Variants in SYT16 observed in about 807,000 individuals in gnomAD.
The protein encoded by SYT16 is synaptotagmin-16.
Under a neutral mutation model 61.4 loss-of-function variants are expected in SYT16, and 42 were observed. That is an observed-to-expected ratio of 0.68 (90% CI 0.53 to 0.89). The LOEUF is 0.89. Ranked by LOEUF, SYT16 falls within the 40% of genes least tolerant of loss-of-function variation. SYT16 has a pLI of 0.00. For missense variants in SYT16, 804 were observed against 807.3 expected (o/e 1.00, Z 0.05); for synonymous variants, 314 against 302.3 (o/e 1.04, Z -0.40).
At chr14:61,961,004 A>G (rs1195912392) in intron 1 of SYT16, among the ~76,000 whole-genome samples, 2 of 152,198 alleles carry the variant, frequency 1.3e-5, no homozygotes, top group Admixed American at 6.5e-5. Flanking sequence ...GTCAACAAAA[A>G]TAAGCAATGA....
At chr14:62,007,716 T>C (rs570004726) in intron 3 of SYT16, among the ~76,000 whole-genome samples, 1 of 152,286 alleles carries the variant, frequency 6.6e-6, no homozygotes, top group East Asian at 1.9e-4. Context: ...GATGTTGTTA[T>C]GATAGAATAC....
chr14:62,023,694 T>G (rs1436740093), intron 3 of SYT16, among the ~76,000 whole-genome samples: 2 of 152,198 alleles, frequency 1.3e-5, no homozygotes, highest in African/African-American at 4.8e-5. Flanking sequence ...CAGTTGTTCT[T>G]GAATAGCTTC....
At chr14:61,965,905 A>C (rs952891686) in intron 1 of SYT16, among the ~76,000 whole-genome samples, 4 of 152,134 alleles carry the variant, frequency 2.6e-5, no homozygotes, top group African/African-American at 4.8e-5. Context: ...AGAAGGATAC[A>C]TTCTGGTAAA....
intron 1 of SYT16, among the ~76,000 whole-genome samples, chr14:61,843,462 C>G (rs1233938559): frequency 6.6e-6 from 1 of 152,150 alleles, no homozygotes; most frequent in East Asian, 1.9e-4. Flanking sequence ...TGGGGTATTA[C>G]TGAATAAATT....
chr14:61,926,845 T>C (rs891177479), intron 1 of SYT16, among the ~76,000 whole-genome samples: 6 of 152,228 alleles, frequency 3.9e-5, no homozygotes, highest in Non-Finnish European at 8.8e-5. Context: ...AGGGTGTCCT[T>C]AGCTCCAGAG....
chr14:61,923,561 C>T (rs1011787873), intron 1 of SYT16, among the ~76,000 whole-genome samples: 11 of 152,072 alleles, frequency 7.2e-5, no homozygotes, highest in African/African-American at 1.4e-4. Context: ...GGCCAGTGAG[C>T]GAGCGGAAAC....
intron 3 of SYT16, among the ~76,000 whole-genome samples, chr14:62,024,920 A>G (rs1446212039): frequency 2.0e-5 from 3 of 152,008 alleles, no homozygotes; most frequent in Admixed American, 6.6e-5. Flanking sequence ...TTTTTCACCT[A>G]TAGTATACAT....
intron 1 of SYT16, among the ~76,000 whole-genome samples, chr14:61,870,472 G>A (rs1273304518): frequency 6.6e-6 from 1 of 151,046 alleles, no homozygotes; most frequent in African/African-American, 2.4e-5. Flanking sequence ...GTTTCTGCTT[G>A]GGGTTTACCA....
In SYT16 at chr14:61,918,218, T is replaced by A. The variant is rs549859968; in HGVS notation, c.-324-51914T>A. ...CATTATCAATGAAGGTCAAGTTTGT[T>A]GTTCTGTTTTAAACAACTTTTGTCT... On this transcript the variant is annotated intron_variant, in intron 1 of 7. Coordinates refer to ENST00000683842, the MANE Select transcript of SYT16 (RefSeq NM_001367656.1). Among the ~76,000 whole-genome samples the A allele has an allele frequency of 2.6e-5, 4 of 152,338 alleles. No individual in the cohort carries two copies. In the South Asian group the frequency reaches 8.3e-4, roughly 32 times the overall value.
chr14:61,998,475 C>T (rs571833206), intron 3 of SYT16, among the ~76,000 whole-genome samples: 2 of 152,088 alleles, frequency 1.3e-5, no homozygotes, highest in East Asian at 3.9e-4. Context: ...CAGCTTCTTT[C>T]ACCTACCATA....
At chr14:62,068,558 A>T (rs563828739) in intron 3 of SYT16, among the ~76,000 whole-genome samples, 1 of 152,132 alleles carries the variant, frequency 6.6e-6, no homozygotes, top group Non-Finnish European at 1.5e-5. Flanking sequence ...GAATAAGTAG[A>T]TTTCAGCTGC....
At chr14:61,859,654 C>A (rs2046906368) in intron 1 of SYT16, among the ~76,000 whole-genome samples, 1 of 151,888 alleles carries the variant, frequency 6.6e-6, no homozygotes, top group Non-Finnish European at 1.5e-5. Context: ...ATGGTGAGCC[C>A]CTGGATATAT....
rs2045833261 is a variant in SYT16 at position 61,828,230 on chromosome 14, G to A, written c.-325+15420G>A. Among the ~76,000 whole-genome samples, 6 of 152,264 alleles carry A rather than the reference G, an allele frequency of 3.9e-5. No individual in the cohort carries two copies. In the South Asian group the frequency reaches 1.2e-3, roughly 32 times the overall value. On this transcript the variant is annotated intron_variant, in intron 1 of 7. Coordinates refer to ENST00000683842, the MANE Select transcript of SYT16 (RefSeq NM_001367656.1). ...AAAATTTTATTGTTTAAACCCCACA[G>A]TTTGTGGTACTTTGTTATGGTAGCC...
chr14:62,077,818 T>A (rs2056549914), intron 5 of SYT16: 1 of 152,198 alleles, frequency 6.6e-6, no homozygotes, highest in South Asian at 2.1e-4. Context: ...AGCCCAGCCA[T>A]TGGCAGGATC....
intron 2 of SYT16, among the ~76,000 whole-genome samples, chr14:61,977,747 C>T (rs1402714527): frequency 6.6e-6 from 1 of 151,988 alleles, no homozygotes; most frequent in Non-Finnish European, 1.5e-5. Flanking sequence ...TACTTCATAG[C>T]TTTGAAGTAA....
chr14:61,883,835 A>T (rs1017067864), intron 1 of SYT16, among the ~76,000 whole-genome samples: 2 of 152,212 alleles, frequency 1.3e-5, no homozygotes, highest in African/African-American at 2.4e-5. Flanking sequence ...GAAACTTACA[A>T]TCATGGCGGA....
At chr14:61,973,608 A>G (rs922545685) in intron 2 of SYT16, among the ~76,000 whole-genome samples, 22 of 152,194 alleles carry the variant, frequency 1.4e-4, no homozygotes, top group Non-Finnish European at 1.5e-5. Context: ...CCCAGCTTTG[A>G]GAGAAGGCGG....
intron 2 of SYT16, among the ~76,000 whole-genome samples, chr14:61,993,443 GAAC>G (rs1305919982): frequency 6.6e-6 from 1 of 151,926 alleles, no homozygotes; most frequent in Non-Finnish European, 1.5e-5. Flanking sequence ...AAAAAATTCA[GAAC>G]AACAACAACA....
chr14:61,862,382 T>C (rs904499722), intron 1 of SYT16, among the ~76,000 whole-genome samples: 3 of 152,240 alleles, frequency 2.0e-5, no homozygotes, highest in African/African-American at 7.2e-5. Context: ...TCATCCTTTG[T>C]GTCTGGCTTC....
Sources: allele counts gnomAD v4.1 joint callset (sites outside exome capture counted in the v4.1 genomes callset), GRCh38; gene constraint gnomAD v4.1.1; transcripts MANE v1.5; gene names NCBI Gene and HGNC (gene_info 2026-07-23, HGNC 2026-07-21).